CLCA4: variants seen among roughly 807,000 people sequenced by gnomAD.
The protein encoded by CLCA4 is calcium-activated chloride channel regulator 4.
A neutral mutation model predicts 78.9 loss-of-function variants in CLCA4; 69 were observed. The observed-to-expected ratio is 0.87, with a 90% confidence interval of 0.72 to 1.07. The LOEUF is 1.07. CLCA4 is among the 50% of genes least tolerant of loss of function. CLCA4 has a pLI of 0.00. For synonymous variants in CLCA4, 362 were observed against 375.8 expected, an observed-to-expected ratio of 0.96 and a Z score of 0.42; for missense variants, 1,133 against 1,095.8, an observed-to-expected ratio of 1.03 and a Z score of -0.48.
rs368285213 is a variant in CLCA4 at position 86,580,082 on chromosome 1, A to T, written c.2497A>T (p.Ile833Phe). The change falls in exon 14 of 14, where the codon ATC (isoleucine) becomes TTC (phenylalanine). Residue 833 changes from isoleucine (I) to phenylalanine (F), a missense_variant. Transcript: ENST00000370563. ...KESFAFKPEN[I>F]SEENATHIFI... ...AAGCTTTGCATTTAAACCAGAAAAT[A>T]TCTCAGAAGAAAATGCAACCCACAT... 1 of 1,613,098 alleles carries T rather than the reference A, an allele frequency of 6.2e-7. No homozygotes were observed. The highest frequency in any genetic ancestry group is 8.5e-7 in the Non-Finnish European group (1 of 1,179,482).
chr1:86,560,184 T>A, intron 2 of CLCA4, 27 bp from the exon 3 acceptor site: 3 of 1,580,498 alleles, frequency 1.9e-6, no homozygotes, highest in Non-Finnish European at 2.6e-6. Context: ...ATTTTTGATG[T>A]TTGACAATCT....
chr1:86,553,441 A>C, intron 1 of CLCA4: 1 of 367,416 alleles, frequency 2.7e-6, no homozygotes, highest in Non-Finnish European at 4.9e-6. Flanking sequence ...CTATTCCAGC[A>C]AGCTGTCGAA....
intron 1 of CLCA4, among the ~76,000 whole-genome samples, chr1:86,553,814 TA>T (rs1319233673): frequency 1.3e-5 from 2 of 151,880 alleles, no homozygotes; most frequent in African/African-American, 4.8e-5. Flanking sequence ...CAGGCGCCTG[TA>T]ATTCCAGCTA....
At chr1:86,570,536 T>C (rs923710399) in intron 7 of CLCA4, among the ~76,000 whole-genome samples, 11 of 152,064 alleles carry the variant, frequency 7.2e-5, no homozygotes, top group Admixed American at 5.2e-4. Context: ...TAAATGAAAG[T>C]TGCATAACAA....
intron 4 of CLCA4, among the ~76,000 whole-genome samples, chr1:86,564,255 G>A (rs1415500268): frequency 6.6e-6 from 1 of 152,122 alleles, no homozygotes. Context: ...GATCAAAAGA[G>A]CAAAATAGTT....
chr1:86,573,789 G>C (rs1650427952), intron 9 of CLCA4, among the ~76,000 whole-genome samples: 1 of 151,970 alleles, frequency 6.6e-6, no homozygotes, highest in African/African-American at 2.4e-5. Context: ...TAAGGAGAGA[G>C]AACTGATTCT....
At chr1:86,572,741 G>A (rs1234461550) in intron 9 of CLCA4, 21 bp downstream of exon 9, 8 of 1,356,418 alleles carry the variant, frequency 5.9e-6, no homozygotes, top group Middle Eastern at 3.6e-4. Context: ...TCATTCCTTG[G>A]GTTTTCATGT....
chr1:86,567,744 A>C (rs1288554620), intron 7 of CLCA4, 93 bp downstream of exon 7: 1 of 986,136 alleles, frequency 1.0e-6, no homozygotes, highest in Non-Finnish European at 1.5e-6. Context: ...TTGCTGCCTA[A>C]TTTTAACATA....
At chr1:86,570,751 CAT>C (rs949135631) in intron 7 of CLCA4, among the ~76,000 whole-genome samples, 8 of 152,034 alleles carry the variant, frequency 5.3e-5, no homozygotes, top group African/African-American at 9.7e-5. Context: ...ATTAATGTCA[CAT>C]ACTGTGATTA....
chr1:86,577,966 C>A lies in CLCA4; in HGVS notation c.2016C>A (p.Gly672=). Residue 672 remains glycine, a synonymous_variant, in exon 12 of 14, where the codon GGC becomes GGA. Coordinates refer to ENST00000370563, the MANE Select transcript of CLCA4 (RefSeq NM_012128.4). ...SRYFTAYTEN[G]RYSLKVRAHG... is the part of the protein sequence containing the mutation. Reference sequence around the variant, plus strand: ...ATTTTACAGCATATACAGAAAATGGCAGATATAGCTTAAAAGTTCGGGCTC... The same window carrying A: ...ATTTTACAGCATATACAGAAAATGGAAGATATAGCTTAAAAGTTCGGGCTC... 6.2e-7 allele frequency: 1 copy of A among 1,612,746 alleles called. No individual in the cohort carries two copies. The highest frequency in any genetic ancestry group is 8.5e-7 in the Non-Finnish European group (1 of 1,179,254).
At chr1:86,553,037 C>T in intron 1 of CLCA4, 1 of 636,024 alleles carries the variant, frequency 1.6e-6, no homozygotes, top group Non-Finnish European at 2.8e-6. Flanking sequence ...TGCTCCCACG[C>T]CGCGCGGCAC....
At chr1:86,578,901 G>A (rs372531302) in intron 12 of CLCA4, among the ~76,000 whole-genome samples, 18 of 151,916 alleles carry the variant, frequency 1.2e-4, no homozygotes, top group African/African-American at 4.4e-4. Context: ...TCTTTCATCT[G>A]GTCCCTTGTG....
rs1650643535 is a variant in CLCA4, at chr1:86,579,592, G to C, written c.2356+5G>C. On this transcript the variant is annotated splice_donor_5th_base_variant and intron_variant, in intron 13 of 13. Transcript: ENST00000370563. ...ATAATTTTGATGTTGGAAAAGGTAA[G>C]GATGAAGTGTCATGTGATTTTGACT... The C allele has an allele frequency of 6.3e-7, 1 of 1,599,240 alleles. No individual in the cohort carries two copies. Among genetic ancestry groups the C allele is most frequent in the Non-Finnish European group, 8.5e-7 (1 of 1,170,214 alleles).
Position 86,571,257 on chromosome 1 carries a change from A to C in CLCA4, c.1360+3A>C, listed in dbSNP as rs1246548421. On this transcript the variant is annotated splice_donor_region_variant and intron_variant, in intron 8 of 13. Coordinates refer to ENST00000370563, the MANE Select transcript of CLCA4 (RefSeq NM_012128.4). ...AATAGAGATGAGCAAGATAACAGGT[A>C]AAACACGATCCATTTATTCCAGGCC... 8.7e-6 allele frequency: 14 copies of C among 1,608,696 alleles called. No individual in the cohort carries two copies. Among genetic ancestry groups the C allele is most frequent in the Non-Finnish European group, 1.1e-5 (13 of 1,176,482 alleles).
chr1:86,573,349 GT>G (rs1333112891), intron 9 of CLCA4, among the ~76,000 whole-genome samples: 2 of 151,896 alleles, frequency 1.3e-5, no homozygotes, highest in African/African-American at 4.8e-5. Context: ...AAAACTTTGA[GT>G]AAACTTTGAT....
intron 1 of CLCA4, among the ~76,000 whole-genome samples, chr1:86,556,883 G>T (rs561301167): frequency 6.6e-6 from 1 of 152,170 alleles, no homozygotes; most frequent in South Asian, 2.1e-4. Flanking sequence ...ACTTGTTATT[G>T]GTCTGTTCAG....
intron 3 of CLCA4, among the ~76,000 whole-genome samples, chr1:86,561,746 G>A (rs1026008212): frequency 1.3e-5 from 2 of 152,024 alleles, no homozygotes; most frequent in Non-Finnish European, 2.9e-5. Flanking sequence ...CAATTTGTAA[G>A]CTTAATGTCC....
At chr1:86,552,559 G>A (rs1649697537) in intron 1 of CLCA4, 3 of 550,920 alleles carry the variant, frequency 5.4e-6, no homozygotes, top group Admixed American at 6.7e-5. Flanking sequence ...CACCCTCTAC[G>A]GGAGCCAGTG....
At chr1:86,555,974 G>T (rs377055929) in intron 1 of CLCA4, among the ~76,000 whole-genome samples, 36 of 152,214 alleles carry the variant, frequency 2.4e-4, no homozygotes, top group African/African-American at 8.4e-4. Context: ...ATTGTGAATG[G>T]TATTGCCTAT....
Sources: gnomAD v4.1 joint callset for allele counts (sites outside exome capture counted in the v4.1 genomes callset) on GRCh38, gnomAD v4.1.1 for gene constraint, MANE v1.5 for transcripts, NCBI Gene and HGNC (gene_info 2026-07-23, HGNC 2026-07-21) for gene names.